DNAH11: variants seen among roughly 807,000 people sequenced by gnomAD.
The protein encoded by DNAH11 is dynein axonemal heavy chain 11.
Under a neutral mutation model 526.0 loss-of-function variants are expected in DNAH11, and 442 were observed. The ratio of observed to expected loss-of-function variants is 0.84; its 90% CI spans 0.78 to 0.91. The LOEUF (loss-of-function observed/expected upper bound fraction) is 0.91. Ranked by LOEUF, DNAH11 falls within the 40% of genes least tolerant of loss-of-function variation. The pLI is 0.00. For missense variants in DNAH11, 6,989 were observed against 5,448.7 expected (o/e 1.28, Z -8.90); for synonymous variants, 2,461 against 1,935.9 (o/e 1.27, Z -7.12).
At chr7:21,789,808 T>TCTTC in intron 61 of DNAH11, among the ~76,000 whole-genome samples, 7 of 34,128 alleles carry the variant, frequency 2.1e-4, no homozygotes, top group South Asian at 1.1e-3. Context: ...TTTCTTTCTT[T>TCTTC]TTTCTTTCTT....
At chr7:21,690,912 G>T (rs138919889) in intron 35 of DNAH11, 31 bp downstream of exon 35, 6 of 1,507,876 alleles carry the variant, frequency 4.0e-6, no homozygotes, top group Non-Finnish European at 5.5e-6. Context: ...CTTAGCATCT[G>T]GTGCACTCAT....
chr7:21,809,875 T>A (rs910659337), intron 63 of DNAH11, among the ~76,000 whole-genome samples: 1 of 152,150 alleles, frequency 6.6e-6, no homozygotes, highest in Admixed American at 6.5e-5. Flanking sequence ...CTGATTTGAT[T>A]TTTGCATATG....
chr7:21,561,303 A>G (rs1460270480), intron 5 of DNAH11, 133 bp downstream of exon 5: 9 of 671,078 alleles, frequency 1.3e-5, no homozygotes, highest in Non-Finnish European at 2.3e-5. Flanking sequence ...CTAATGATAA[A>G]TTCATCTCAC....
rs543512431 is a variant in DNAH11, at chr7:21,892,605, C to G, written c.12688C>G (p.Leu4230Val). ...VTSNTLFRTL[L>V]EMQPRNALSG... is the part of the protein sequence containing the mutation. The stretch of plus-strand genomic sequence containing the variant: ...ATCCAACACTCTCTTCAGAACTTTG[C>G]TGGAGATGCAGCCCAGGAATGCACT... The change falls in exon 77 of 82, where the codon CTG becomes GTG. Residue 4230 changes from leucine to valine, a missense_variant. Transcript: ENST00000409508. 1 of 1,613,854 alleles carries G rather than the reference C, an allele frequency of 6.2e-7. No homozygotes were observed. Among genetic ancestry groups the G allele is most frequent in the East Asian group, 2.2e-5 (1 of 44,884 alleles).
At chr7:21,663,981 TA>T (rs1782331788) in intron 30 of DNAH11, among the ~76,000 whole-genome samples, 1 of 152,052 alleles carries the variant, frequency 6.6e-6, no homozygotes, top group African/African-American at 2.4e-5. Flanking sequence ...ATTCTATTTT[TA>T]ATTTTTTGAG....
intron 51 of DNAH11, among the ~76,000 whole-genome samples, chr7:21,747,741 T>C (rs1162737302): frequency 6.6e-6 from 1 of 152,226 alleles, no homozygotes; most frequent in Middle Eastern, 3.2e-3. Flanking sequence ...GGGAAGGCTT[T>C]AGTGTGAAGG....
intron 39 of DNAH11, among the ~76,000 whole-genome samples, chr7:21,706,655 C>T (rs191094959): frequency 1.3e-5 from 2 of 152,240 alleles, no homozygotes; most frequent in East Asian, 3.9e-4. Flanking sequence ...ATTCCTAAGG[C>T]ATTTACTTTC....
intron 31 of DNAH11, among the ~76,000 whole-genome samples, chr7:21,683,300 T>C (rs1562488533): frequency 6.6e-6 from 1 of 152,268 alleles, no homozygotes; most frequent in Non-Finnish European, 1.5e-5. Context: ...AGAACAGCAA[T>C]GAAAAATACT....
At chr7:21,640,278 A>G (rs1203188024) in intron 28 of DNAH11, among the ~76,000 whole-genome samples, 1 of 152,220 alleles carries the variant, frequency 6.6e-6, no homozygotes, top group Non-Finnish European at 1.5e-5. Context: ...AACTATTTTG[A>G]AACATAATAG....
intron 65 of DNAH11, among the ~76,000 whole-genome samples, chr7:21,825,411 T>C (rs995452850): frequency 2.0e-5 from 3 of 152,336 alleles, no homozygotes; most frequent in Admixed American, 2.0e-4. Flanking sequence ...GTAGAACTTA[T>C]GCACAATCAA....
intron 2 of DNAH11, among the ~76,000 whole-genome samples, chr7:21,547,995 C>G (rs747320499): frequency 2.0e-5 from 3 of 152,102 alleles, no homozygotes; most frequent in Non-Finnish European, 4.4e-5. Context: ...AGGAGGAATA[C>G]GACATCCCAT....
At chr7:21,802,152 A>G (rs1414613382) in intron 62 of DNAH11, among the ~76,000 whole-genome samples, 1 of 152,222 alleles carries the variant, frequency 6.6e-6, no homozygotes, top group African/African-American at 2.4e-5. Flanking sequence ...GAGATAAATA[A>G]CCAAATTTTA....
intron 42 of DNAH11, among the ~76,000 whole-genome samples, chr7:21,714,773 T>G (rs1223545041): frequency 6.6e-6 from 1 of 151,976 alleles, no homozygotes; most frequent in Non-Finnish European, 1.5e-5. Context: ...TCTCTCTTTC[T>G]CTGGCATAGA....
chr7:21,896,193 A>G lies in DNAH11; in HGVS notation c.13049+1194A>G, dbSNP rs543702831. On this transcript the variant is annotated intron_variant, in intron 79 of 81. Transcript: ENST00000409508. ...ATTTTTGTTTTAATATACTGTACTG[A>G]TTTCTTTGCTCATCATTGCTTTTTT... 9.2e-5 allele frequency among the ~76,000 whole-genome samples: 14 copies of G among 151,780 alleles called. No homozygotes were observed. In the South Asian group the frequency reaches 2.9e-3, roughly 32 times the overall value.
rs77448980 is a variant in DNAH11, at chr7:21,901,205, A to G, written c.13502A>G (p.Lys4501Arg). 122,582 of 1,613,064 alleles carry G rather than the reference A, an allele frequency of 0.076. 5,191 individuals are homozygous for G. Among genetic ancestry groups the G allele is most frequent in the South Asian group, 0.11 (9,686 of 91,026 alleles). ...IWTFRLKSEE[K>R]TAKWVLAGVA... Reference sequence around the variant, plus strand: ...ACCTTCAGGCTGAAGAGCGAAGAGAAGACTGCAAAATGGGTTCTGGCTGGA... The same window carrying G: ...ACCTTCAGGCTGAAGAGCGAAGAGAGGACTGCAAAATGGGTTCTGGCTGGA... Residue 4501 changes from lysine to arginine, a missense_variant, in exon 82 of 82, where the codon AAG (lysine) becomes AGG (arginine). Physicochemically the swap from Lys to Arg is conservative, Grantham distance 26. Coordinates refer to ENST00000409508, the MANE Select transcript of DNAH11 (RefSeq NM_001277115.2).
intron 41 of DNAH11, 142 bp downstream of exon 41, chr7:21,710,845 T>C (rs1262373527): frequency 1.1e-5 from 10 of 879,094 alleles, no homozygotes; most frequent in Non-Finnish European, 1.5e-5. Flanking sequence ...AGTGTTGCTT[T>C]CCTGATAATT....
At chr7:21,588,317 G>C in intron 10 of DNAH11, 116 bp downstream of exon 10, 1 of 1,391,768 alleles carries the variant, frequency 7.2e-7, no homozygotes, top group Non-Finnish European at 9.6e-7. Context: ...ACATTTTTGT[G>C]CTTTTATTTA....
chr7:21,649,550 A>G (rs1787529985), intron 28 of DNAH11, among the ~76,000 whole-genome samples: 1 of 152,210 alleles, frequency 6.6e-6, no homozygotes, highest in Non-Finnish European at 1.5e-5. Context: ...CAGATGCAAA[A>G]GAGTACGTAC....
rs2128043665 is a variant in DNAH11 at position 21,884,285 on chromosome 7, C to T, written c.12388-6C>T. The T allele has an allele frequency of 1.9e-6, 3 of 1,600,482 alleles. No homozygotes were observed. Among genetic ancestry groups the T allele is most frequent in the African/African-American group, 1.3e-5 (1 of 74,478 alleles). Reference sequence around the variant, plus strand: ...GCAGTGAATATTTGTGTGGTTTTCTCCACAGGTCCCATGGGAAGATCTCCG... The same window carrying T: ...GCAGTGAATATTTGTGTGGTTTTCTTCACAGGTCCCATGGGAAGATCTCCG... On this transcript the variant is annotated splice_region_variant and splice_polypyrimidine_tract_variant and intron_variant, in intron 75 of 81. Coordinates refer to ENST00000409508, the MANE Select transcript of DNAH11 (RefSeq NM_001277115.2).
Sources: allele counts gnomAD v4.1 joint callset (sites outside exome capture counted in the v4.1 genomes callset), GRCh38; gene constraint gnomAD v4.1.1; transcripts MANE v1.5; gene names NCBI Gene and HGNC (gene_info 2026-07-23, HGNC 2026-07-21).